DNAI3: variants seen among roughly 807,000 people sequenced by gnomAD.
DNAI3 encodes the protein dynein axonemal intermediate chain 3, also known as WD repeat domain 63.
In DNAI3, 83 loss-of-function variants were observed where a neutral mutation model predicts 115.5. The observed-to-expected ratio is 0.72, with a 90% CI of 0.60 to 0.86. The LOEUF (loss-of-function observed/expected upper bound fraction) is 0.86. Among genes scored for constraint, DNAI3 ranks in the 40% least tolerant of loss-of-function variants. The probability of loss-of-function intolerance (pLI) is 0.00; values close to 1 mark genes in which losing one functional copy is unlikely to be tolerated. For synonymous variants in DNAI3, 320 were observed against 347.0 expected (o/e 0.92, Z 0.86); for missense variants, 1,004 against 1,075.8 (o/e 0.93, Z 0.93).
intron 9 of DNAI3, chr1:85,094,092 A>C: frequency 2.5e-6 from 1 of 408,070 alleles, no homozygotes. Context: ...ATGGAAAGAG[A>C]GAGGTATTTG....
intron 17 of DNAI3, among the ~76,000 whole-genome samples, chr1:85,119,003 T>C (rs1287480868): frequency 6.6e-6 from 1 of 152,184 alleles, no homozygotes; most frequent in Non-Finnish European, 1.5e-5. Flanking sequence ...TGGAATCCAA[T>C]ACTGAAGAGC....
At chr1:85,102,748 A>G (rs1360171981) in intron 13 of DNAI3, among the ~76,000 whole-genome samples, 2 of 152,234 alleles carry the variant, frequency 1.3e-5, no homozygotes, top group Non-Finnish European at 2.9e-5. Context: ...TTGTATCTCT[A>G]GATACAAAAT....
chr1:85,084,280 A>ACG (rs1210638330), intron 5 of DNAI3, among the ~76,000 whole-genome samples: 1 of 143,694 alleles, frequency 7.0e-6, no homozygotes, highest in Admixed American at 7.0e-5. Flanking sequence ...ATATATATAC[A>ACG]CATCCATATG....
chr1:85,098,754 T>G, intron 13 of DNAI3, 96 bp downstream of exon 13: 1 of 1,532,294 alleles, frequency 6.5e-7, no homozygotes, highest in Non-Finnish European at 8.9e-7. Flanking sequence ...TCATTTACAC[T>G]TAAATTGTGA....
At chr1:85,064,580 ATGTTTGTTTGTTTGTT>A (rs369398116) in intron 1 of DNAI3, among the ~76,000 whole-genome samples, 1 of 151,962 alleles carries the variant, frequency 6.6e-6, no homozygotes, top group African/African-American at 2.4e-5. Flanking sequence ...TTCTAAATCA[ATGTTTGTTTGTTTGTT>A]TGTTTGTTTG....
At chr1:85,063,252 G>GAA (rs1653990763) in intron 1 of DNAI3, among the ~76,000 whole-genome samples, 1 of 149,880 alleles carries the variant, frequency 6.7e-6, no homozygotes, top group African/African-American at 2.4e-5. Context: ...GGCTTTGGGG[G>GAA]AAAAGTTCAT....
At position 85,117,775 on chromosome 1, in the gene DNAI3, C is replaced by A. The variant is rs979722169; in HGVS notation, c.1833C>A (p.Asn611Lys). ...AAACAGAGAAGGCAGAAGAAATGAA[C>A]CCGTATCATAATCTGGAAAGTGGGA... Reference protein sequence around the residue: ...QSKTEKAEEMNPYHNLESGMA... With the variant: ...QSKTEKAEEMKPYHNLESGMA... Residue 611 changes from asparagine (N) to lysine (K), a missense_variant, in exon 17 of 23, where the codon AAC becomes AAA. Asn to Lys is a moderately conservative substitution (Grantham distance 94, BLOSUM62 0). Transcript: ENST00000294664. 1.2e-6 allele frequency: 2 copies of A among 1,613,718 alleles called. No homozygotes were observed. Among genetic ancestry groups the A allele is most frequent in the South Asian group, 1.1e-5 (1 of 91,068 alleles).
intron 1 of DNAI3, among the ~76,000 whole-genome samples, chr1:85,067,639 C>T (rs1042188590): frequency 6.6e-6 from 1 of 152,096 alleles, no homozygotes; most frequent in South Asian, 2.1e-4. Flanking sequence ...ATCAGCGGAA[C>T]TTAACATAGG....
At chr1:85,094,375 A>T in intron 9 of DNAI3, 56 bp from the exon 10 acceptor site, 3 of 1,603,132 alleles carry the variant, frequency 1.9e-6, no homozygotes, top group Non-Finnish European at 2.6e-6. Flanking sequence ...AAAGCTAGAG[A>T]CATCTCTCCA....
intron 8 of DNAI3, among the ~76,000 whole-genome samples, chr1:85,091,801 T>G (rs900891039): frequency 6.6e-6 from 1 of 152,248 alleles, no homozygotes; most frequent in South Asian, 2.1e-4. Flanking sequence ...AATTTGTTAC[T>G]CTCGGGAGCT....
chr1:85,119,624 G>A (rs4907137), intron 17 of DNAI3, among the ~76,000 whole-genome samples: 96,252 of 151,954 alleles, frequency 0.63, 31,742 homozygotes, highest in South Asian at 0.83. Context: ...TATAAGATTC[G>A]TCCCCTGCCT....
chr1:85,113,271 G>A (rs1020173187), intron 16 of DNAI3, among the ~76,000 whole-genome samples: 1 of 152,092 alleles, frequency 6.6e-6, no homozygotes, highest in Admixed American at 6.6e-5. Context: ...TGTGGATCAT[G>A]GTTTTGGTGT....
At chr1:85,094,222 A>G (rs1468599683) in intron 9 of DNAI3, 3 of 611,458 alleles carry the variant, frequency 4.9e-6, no homozygotes, top group South Asian at 4.1e-5. Context: ...CTAACAGTAC[A>G]TGTCAGTTTG....
chr1:85,118,738 G>A (rs1053939798), intron 17 of DNAI3, among the ~76,000 whole-genome samples: 2 of 152,090 alleles, frequency 1.3e-5, no homozygotes, highest in Admixed American at 1.3e-4. Context: ...CTGCCTAGTC[G>A]AGGAGCAGAC....
chr1:85,094,081 C>T (rs768028841), intron 9 of DNAI3: 1 of 401,458 alleles, frequency 2.5e-6, no homozygotes, highest in Non-Finnish European at 4.7e-6. Context: ...AAGATGGAAA[C>T]ATGGAAAGAG....
chr1:85,096,020 G>C lies in DNAI3; in HGVS notation c.1263G>C (p.Gln421His), dbSNP rs1455845151. ...NIIAGGCINGQIVMWDITAHA... is the reference protein window; with the variant it reads ...NIIAGGCINGHIVMWDITAHA... ...TTGCTGGAGGCTGTATCAATGGGCA[G>C]GTACTTAACAGAATTTTTTTCAGCT... Residue 421 changes from glutamine (Q) to histidine (H), a missense_variant and splice_region_variant, in exon 11 of 23, where the codon CAG becomes CAC. Transcript: ENST00000294664. The C allele has an allele frequency of 6.2e-7, 1 of 1,613,406 alleles. No individual in the cohort carries two copies. The highest frequency in any genetic ancestry group is 1.1e-5 in the South Asian group (1 of 91,046).
intron 20 of DNAI3, 54 bp downstream of exon 20, chr1:85,126,769 CT>C: frequency 6.3e-7 from 1 of 1,592,384 alleles, no homozygotes; most frequent in Non-Finnish European, 8.6e-7. Flanking sequence ...TCGGGAACAT[CT>C]TGACATTCAT....
intron 15 of DNAI3, among the ~76,000 whole-genome samples, chr1:85,109,089 C>T (rs1364763808): frequency 6.6e-6 from 1 of 152,082 alleles, no homozygotes; most frequent in East Asian, 1.9e-4. Flanking sequence ...ATACCTATGA[C>T]CAAACAGAAC....
rs573482245 is a variant in DNAI3, at chr1:85,084,827, T to C, written c.540+132T>C. 1.3e-3 allele frequency: 1,153 copies of C among 921,344 alleles called. 6 individuals are homozygous for C. Among genetic ancestry groups the C allele is most frequent in the Non-Finnish European group, 1.4e-3 (992 of 691,302 alleles). 57.1% of individuals were successfully genotyped at this position (921,344 alleles called of 1,614,324 possible). A position where few individuals can be genotyped will look rare whatever the true frequency, so the allele number is the denominator to read the frequency against. On this transcript the variant is annotated intron_variant, in intron 6 of 22. Transcript: ENST00000294664. The stretch of plus-strand genomic sequence containing the variant: ...TTTGGTGTGTTGTTTTGGTTTGCTT[T>C]TATAGAAGAATGGTCATTGTCTTAA...
Sources: allele counts gnomAD v4.1 joint callset (sites outside exome capture counted in the v4.1 genomes callset), GRCh38; gene constraint gnomAD v4.1.1; transcripts MANE v1.5; gene names NCBI Gene and HGNC (gene_info 2026-07-23, HGNC 2026-07-21).